CSMD1: variants seen among roughly 807,000 people sequenced by gnomAD.
CSMD1 encodes CUB and Sushi multiple domains 1.
Under a neutral mutation model 417.5 loss-of-function variants are expected in CSMD1, and 213 were observed. The ratio of observed to expected loss-of-function variants is 0.51; its 90% CI spans 0.46 to 0.57. The LOEUF is 0.57. Among genes scored for constraint, CSMD1 ranks in the 20% least tolerant of loss-of-function variants. The probability of loss-of-function intolerance (pLI) is 0.00; values close to 1 mark genes in which losing one functional copy is unlikely to be tolerated. For missense variants in CSMD1, 6,923 were observed against 4,529.7 expected (o/e 1.53, Z -15.17); for synonymous variants, 2,862 against 1,736.8 (o/e 1.65, Z -16.11).
intron 6 of CSMD1, among the ~76,000 whole-genome samples, chr8:3,737,011 C>T (rs1251239716): frequency 1.3e-5 from 2 of 152,188 alleles, no homozygotes; most frequent in Non-Finnish European, 2.9e-5. Context: ...ACATTCAGCA[C>T]ACGACTGTGG....
intron 2 of CSMD1, among the ~76,000 whole-genome samples, chr8:4,538,134 G>T (rs1173884264): frequency 2.6e-5 from 4 of 151,418 alleles, no homozygotes; most frequent in Non-Finnish European, 4.4e-5. Flanking sequence ...AGCCTGTGAT[G>T]TCATTTGGCA....
At chr8:4,960,000 C>T (rs1047285004) in intron 1 of CSMD1, among the ~76,000 whole-genome samples, 1 of 152,136 alleles carries the variant, frequency 6.6e-6, no homozygotes, top group Admixed American at 6.6e-5. Context: ...TTTCTCTTTG[C>T]TCACTAGGAT....
intron 8 of CSMD1, among the ~76,000 whole-genome samples, chr8:3,615,387 C>T (rs1023245472): frequency 3.3e-5 from 5 of 152,152 alleles, no homozygotes; most frequent in African/African-American, 1.2e-4. Flanking sequence ...CTCTACTCCC[C>T]TCCTCCAGAG....
At chr8:4,240,846 G>C (rs1274072031) in intron 3 of CSMD1, among the ~76,000 whole-genome samples, 1 of 152,096 alleles carries the variant, frequency 6.6e-6, no homozygotes, top group Non-Finnish European at 1.5e-5. Flanking sequence ...GCGTAGCATG[G>C]GGTAGCATTT....
chr8:3,724,290 C>T (rs4454301), intron 6 of CSMD1, among the ~76,000 whole-genome samples: 124,354 of 151,470 alleles, frequency 0.82, 51,215 homozygotes, highest in Middle Eastern at 0.91. Flanking sequence ...GCTGGTGTGC[C>T]GCACCCACTA....
At chr8:4,746,757 T>G (rs1299845976) in intron 1 of CSMD1, among the ~76,000 whole-genome samples, 1 of 152,154 alleles carries the variant, frequency 6.6e-6, no homozygotes, top group Non-Finnish European at 1.5e-5. Context: ...GAACCTTCAC[T>G]ACAGCAGCGA....
chr8:3,150,671 C>G (rs893274550), intron 40 of CSMD1, among the ~76,000 whole-genome samples: 1 of 152,158 alleles, frequency 6.6e-6, no homozygotes, highest in African/African-American at 2.4e-5. Flanking sequence ...AAGTACCTAA[C>G]TTGGTCTACC....
intron 50 of CSMD1, among the ~76,000 whole-genome samples, chr8:3,042,516 C>T (rs530076040): frequency 2.1e-4 from 31 of 149,426 alleles, no homozygotes; most frequent in South Asian, 1.9e-3. Context: ...AACCTGCTTA[C>T]GGGAATCCCG....
chr8:3,118,901 C>T (rs115138114), intron 41 of CSMD1, among the ~76,000 whole-genome samples: 2 of 152,162 alleles, frequency 1.3e-5, no homozygotes, highest in East Asian at 3.9e-4. Flanking sequence ...GTAATACAGG[C>T]TGGGAGCGGT....
intron 5 of CSMD1, among the ~76,000 whole-genome samples, chr8:3,812,096 C>G (rs1205487013): frequency 6.6e-6 from 1 of 152,044 alleles, no homozygotes; most frequent in Non-Finnish European, 1.5e-5. Flanking sequence ...GAATAAAAAG[C>G]TACACAATAA....
intron 26 of CSMD1, among the ~76,000 whole-genome samples, chr8:3,275,229 T>C (rs1376140923): frequency 6.6e-6 from 1 of 152,226 alleles, no homozygotes; most frequent in Non-Finnish European, 1.5e-5. Context: ...TTGAAAATTC[T>C]TTTCTTTAAG....
At chr8:4,263,112 C>A (rs1196670761) in intron 3 of CSMD1, among the ~76,000 whole-genome samples, 1 of 152,038 alleles carries the variant, frequency 6.6e-6, no homozygotes, top group Admixed American at 6.6e-5. Flanking sequence ...AGTATTATTT[C>A]TTGTGGGTGA....
At chr8:4,178,243 G>A (rs1798166209) in intron 3 of CSMD1, among the ~76,000 whole-genome samples, 1 of 152,014 alleles carries the variant, frequency 6.6e-6, no homozygotes, top group African/African-American at 2.4e-5. Context: ...TCATCAAGTG[G>A]GCTTCATCCC....
At chr8:3,976,821 G>C (rs546632344) in intron 5 of CSMD1, among the ~76,000 whole-genome samples, 2 of 152,314 alleles carry the variant, frequency 1.3e-5, no homozygotes, top group South Asian at 2.1e-4. Flanking sequence ...AATAGCATCT[G>C]TGACCTCAAC....
intron 3 of CSMD1, among the ~76,000 whole-genome samples, chr8:4,385,300 A>G (rs1803374501): frequency 6.6e-6 from 1 of 152,192 alleles, no homozygotes; most frequent in South Asian, 2.1e-4. Flanking sequence ...TGTTCATGTT[A>G]AACAATGATG....
At chr8:2,993,198 C>T (rs932260845) in intron 54 of CSMD1, among the ~76,000 whole-genome samples, 2 of 152,130 alleles carry the variant, frequency 1.3e-5, no homozygotes, top group African/African-American at 4.8e-5. Context: ...CGTTTTAAAA[C>T]TAAGAACAAT....
intron 41 of CSMD1, among the ~76,000 whole-genome samples, chr8:3,124,524 T>C (rs1319524027): frequency 1.3e-5 from 2 of 152,104 alleles, no homozygotes; most frequent in African/African-American, 2.4e-5. Context: ...CCAAAGGAAA[T>C]AGTATGTGTT....
chr8:3,888,691 G>T (rs1012914782), intron 5 of CSMD1, among the ~76,000 whole-genome samples: 3 of 152,090 alleles, frequency 2.0e-5, no homozygotes, highest in Non-Finnish European at 4.4e-5. Context: ...AGAGGCTGCC[G>T]GGACAGAGAT....
intron 6 of CSMD1, among the ~76,000 whole-genome samples, chr8:3,722,669 A>T (rs866716138): frequency 1.5e-4 from 23 of 152,202 alleles, no homozygotes; most frequent in Admixed American, 2.6e-4. Flanking sequence ...TTCCGCACAG[A>T]GTTCGGTAAA....
Sources: allele counts gnomAD v4.1 joint callset (sites outside exome capture counted in the v4.1 genomes callset), GRCh38; gene constraint gnomAD v4.1.1; transcripts MANE v1.5; gene names NCBI Gene and HGNC (gene_info 2026-07-23, HGNC 2026-07-21).